The following PCSK6 variants were observed in gnomAD, a reference collection of about 807,000 sequenced individuals.
The protein encoded by PCSK6 is proprotein convertase subtilisin/kexin type 6, also known as paired basic amino acid cleaving enzyme 4.
In PCSK6, 85 loss-of-function variants were observed where a neutral mutation model predicts 123.3. The observed-to-expected ratio is 0.69, with a 90% CI of 0.58 to 0.83. The LOEUF is 0.83. Among genes scored for constraint, PCSK6 ranks in the 40% least tolerant of loss-of-function variants. The pLI is 0.00. For missense variants in PCSK6, 1,191 were observed against 1,282.3 expected, an observed-to-expected ratio of 0.93 and a Z score of 1.09; for synonymous variants, 508 against 516.0, an observed-to-expected ratio of 0.98 and a Z score of 0.21.
intron 13 of PCSK6, among the ~76,000 whole-genome samples, chr15:101,332,252 G>C (rs532103264): frequency 6.6e-6 from 1 of 152,162 alleles, no homozygotes; most frequent in African/African-American, 2.4e-5. Flanking sequence ...TTTTATTCCT[G>C]TTCTATCGAG....
At chr15:101,474,040 A>G (rs2057668239) in intron 1 of PCSK6, among the ~76,000 whole-genome samples, 2 of 152,198 alleles carry the variant, frequency 1.3e-5, no homozygotes, top group Admixed American at 6.5e-5. Context: ...CAAATGAGAA[A>G]CAGAACCGTG....
intron 6 of PCSK6, among the ~76,000 whole-genome samples, chr15:101,404,224 C>T (rs1478248452): frequency 6.6e-6 from 1 of 152,302 alleles, no homozygotes; most frequent in East Asian, 1.9e-4. Context: ...CAGGGGCCAA[C>T]CTTCTCTGGG....
chr15:101,432,551 C>T (rs563886714), intron 2 of PCSK6, among the ~76,000 whole-genome samples: 1 of 151,362 alleles, frequency 6.6e-6, no homozygotes, highest in Non-Finnish European at 1.5e-5. Context: ...ATTGCTTGAG[C>T]CTGGGAAGTC....
At chr15:101,405,342 G>A (rs2042738853) in intron 6 of PCSK6, among the ~76,000 whole-genome samples, 1 of 152,224 alleles carries the variant, frequency 6.6e-6, no homozygotes, top group South Asian at 2.1e-4. Flanking sequence ...GGCATGCTGG[G>A]TTCAGAGCAC....
chr15:101,436,719 G>A (rs940105613), intron 2 of PCSK6, among the ~76,000 whole-genome samples: 1 of 152,198 alleles, frequency 6.6e-6, no homozygotes. Flanking sequence ...GCTGGGACCG[G>A]TCCCTCTCTC....
At chr15:101,369,904 C>T (rs919821859) in intron 12 of PCSK6, among the ~76,000 whole-genome samples, 3 of 152,176 alleles carry the variant, frequency 2.0e-5, no homozygotes, top group South Asian at 2.1e-4. Flanking sequence ...GGGCAGCCCA[C>T]GACTGGGTGG....
intron 1 of PCSK6, among the ~76,000 whole-genome samples, chr15:101,487,060 A>T (rs1373679509): frequency 6.6e-6 from 1 of 152,274 alleles, no homozygotes; most frequent in South Asian, 2.1e-4. Context: ...CCTGGCTGAA[A>T]AAAAGGCAAA....
At chr15:101,489,270 C>A in intron 1 of PCSK6, 104 bp downstream of exon 1, 1 of 754,554 alleles carries the variant, frequency 1.3e-6, no homozygotes, top group Non-Finnish European at 1.6e-6. Context: ...TTCCCACGCG[C>A]GCGCGGGGCC....
intron 13 of PCSK6, among the ~76,000 whole-genome samples, chr15:101,354,300 G>T (rs1567160407): frequency 1.3e-5 from 2 of 151,884 alleles, no homozygotes; most frequent in Admixed American, 6.6e-5. Flanking sequence ...ATACATACAA[G>T]CCCACATACA....
rs778310024 is a variant in PCSK6 at position 101,326,587 on chromosome 15, G to A, written c.2078-108C>T. ...TCGCAGCTTGGCAGGGTTGGGAGACGCTCCCAGGCCCCGCTGGGGCTGGAC... is the reference window on the plus strand; with the variant it reads ...TCGCAGCTTGGCAGGGTTGGGAGACACTCCCAGGCCCCGCTGGGGCTGGAC... On this transcript the variant is annotated intron_variant, in intron 15 of 21. Transcript: ENST00000611716. 2.3e-4 allele frequency: 247 copies of A among 1,084,496 alleles called. 2 individuals carry two copies. The highest frequency in any genetic ancestry group is 3.0e-4 in the Non-Finnish European group (225 of 748,120). The allele number at this position is 1,084,496 out of a possible 1,614,324, so 67.2% of individuals were successfully genotyped here. A position where few individuals can be genotyped will look rare whatever the true frequency, so the allele number is the denominator to read the frequency against.
chr15:101,389,414 C>A (rs768386700), intron 9 of PCSK6, 50 bp downstream of exon 9: 7 of 1,437,020 alleles, frequency 4.9e-6, no homozygotes, highest in Non-Finnish European at 6.8e-6. Context: ...GTGTATTTTA[C>A]CACAATCTAA....
intron 4 of PCSK6, among the ~76,000 whole-genome samples, 175 bp downstream of exon 4, chr15:101,431,145 A>G (rs1434459259): frequency 6.6e-6 from 1 of 152,240 alleles, no homozygotes; most frequent in Non-Finnish European, 1.5e-5. Flanking sequence ...CTTGCCCCTG[A>G]CAGTAGCAAG....
chr15:101,382,386 G>A (rs2041934679), intron 10 of PCSK6, among the ~76,000 whole-genome samples, 177 bp from the exon 11 acceptor site: 1 of 152,188 alleles, frequency 6.6e-6, no homozygotes. Context: ...GGTCCCAGCT[G>A]CCTCACTCTC....
At chr15:101,399,040 C>T (rs1283076511) in intron 6 of PCSK6, among the ~76,000 whole-genome samples, 1 of 152,086 alleles carries the variant, frequency 6.6e-6, no homozygotes. Context: ...GTAGCTGGGA[C>T]TACAGGCACA....
intron 2 of PCSK6, among the ~76,000 whole-genome samples, chr15:101,433,912 G>A (rs1177864474): frequency 1.3e-5 from 2 of 151,520 alleles, no homozygotes; most frequent in Non-Finnish European, 1.5e-5. Flanking sequence ...CCACCCCGAT[G>A]TAATTCGTCT....
intron 1 of PCSK6, among the ~76,000 whole-genome samples, chr15:101,467,165 A>C (rs2057482212): frequency 2.6e-5 from 4 of 152,136 alleles, no homozygotes; most frequent in African/African-American, 9.7e-5. Flanking sequence ...CAAAGGATTC[A>C]TATGCCGTAT....
rs2039713836 is a variant in PCSK6, at chr15:101,305,944, G to A, written c.2813-589C>T. 6.6e-6 allele frequency among the ~76,000 whole-genome samples: 1 copy of A among 152,150 alleles called. No individual in the cohort carries two copies. The highest frequency in any genetic ancestry group is 1.5e-5 in the Non-Finnish European group (1 of 68,024). ...CAAGGGGATTCATGAGCAGGATGTG[G>A]GGGTGGTGTGGGAGGGATCTCAGGA... On this transcript the variant is annotated intron_variant, in intron 21 of 21. Transcript: ENST00000611716. The surrounding 1 kb of genome is among the most constrained non-coding windows in gnomAD (Gnocchi z 4.8).
At chr15:101,342,584 G>A (rs2141390949) in intron 13 of PCSK6, among the ~76,000 whole-genome samples, 1 of 152,294 alleles carries the variant, frequency 6.6e-6, no homozygotes, top group East Asian at 1.9e-4. Context: ...TCTCATATGT[G>A]CTCTTGGGAT....
intron 17 of PCSK6, among the ~76,000 whole-genome samples, chr15:101,323,593 C>T (rs1045576293): frequency 3.3e-5 from 5 of 152,160 alleles, no homozygotes; most frequent in African/African-American, 7.2e-5. Context: ...ATTAGCCGGG[C>T]GTGATGGCGC....
Sources: gnomAD v4.1 joint callset for allele counts (sites outside exome capture counted in the v4.1 genomes callset) on GRCh38, gnomAD v4.1.1 for gene constraint, Gnocchi (gnomAD v3.1) non-coding constraint, MANE v1.5 for transcripts, NCBI Gene and HGNC (gene_info 2026-07-23, HGNC 2026-07-21) for gene names.